The following TSPAN2 variants were observed in gnomAD, a reference collection of about 807,000 sequenced individuals.
TSPAN2 encodes the protein tetraspanin 2, also known as tetraspanin-2.
TSPAN2 carries 24 observed loss-of-function variants against 33.3 expected under a neutral mutation model. That is an observed-to-expected ratio of 0.72 (90% CI 0.52 to 1.01). The LOEUF (loss-of-function observed/expected upper bound fraction) is 1.01. Ranked by LOEUF, TSPAN2 falls within the 50% of genes least tolerant of loss-of-function variation. TSPAN2 has a pLI of 0.00. For synonymous variants in TSPAN2, 114 were observed against 104.5 expected, an observed-to-expected ratio of 1.09 and a Z score of -0.56; for missense variants, 278 against 281.3, an observed-to-expected ratio of 0.99 and a Z score of 0.08.
At chr1:115,087,938 T>C (rs917367661) in intron 1 of TSPAN2, among the ~76,000 whole-genome samples, 4 of 152,208 alleles carry the variant, frequency 2.6e-5, no homozygotes, top group Non-Finnish European at 5.9e-5. Flanking sequence ...TAAAACTTCA[T>C]AAGGCTTTGA....
At chr1:115,054,173 A>G (rs1420600185) in intron 6 of TSPAN2, among the ~76,000 whole-genome samples, 2 of 152,192 alleles carry the variant, frequency 1.3e-5, no homozygotes. Flanking sequence ...AAACACTCCT[A>G]TTTGGAGTGC....
chr1:115,071,026 T>C (rs548823883), intron 2 of TSPAN2, among the ~76,000 whole-genome samples: 79 of 152,230 alleles, frequency 5.2e-4, no homozygotes, highest in African/African-American at 1.9e-3. Context: ...CTGGAAACCA[T>C]GTGGGTAGAA....
intron 1 of TSPAN2, among the ~76,000 whole-genome samples, chr1:115,075,377 G>A (rs1190307558): frequency 6.6e-6 from 1 of 152,168 alleles, no homozygotes; most frequent in Non-Finnish European, 1.5e-5. Flanking sequence ...GCTGCTGCCG[G>A]CTGTGTCAGG....
At chr1:115,089,312 G>GCCCC in intron 1 of TSPAN2, 52 bp downstream of exon 1, 1 of 1,389,170 alleles carries the variant, frequency 7.2e-7, no homozygotes, top group Non-Finnish European at 9.8e-7. Flanking sequence ...CCGGCCCCGC[G>GCCCC]CCCGCCACCC....
At chr1:115,085,997 T>C (rs1220853855) in intron 1 of TSPAN2, among the ~76,000 whole-genome samples, 2 of 152,112 alleles carry the variant, frequency 1.3e-5, no homozygotes, top group Non-Finnish European at 2.9e-5. Flanking sequence ...CAAGTACAAA[T>C]TGACAAGATA....
At chr1:115,055,197 C>G (rs532908799) in intron 6 of TSPAN2, among the ~76,000 whole-genome samples, 1 of 152,154 alleles carries the variant, frequency 6.6e-6, no homozygotes, top group Non-Finnish European at 1.5e-5. Context: ...AGACTGTCCT[C>G]CTCTAGTTCT....
In TSPAN2 at chr1:115,062,123, C is replaced by G. The variant is rs369997060; in HGVS notation, c.270+12G>C. On this transcript the variant is annotated intron_variant, in intron 3 of 7. Coordinates refer to ENST00000369516, the MANE Select transcript of TSPAN2 (RefSeq NM_005725.6). ...ACCCCCACCCCACCATTTACCCCCT[C>G]GCCCCACTTACTGATCCAAGCACAC... 2 of 1,562,624 alleles carry G rather than the reference C, an allele frequency of 1.3e-6. No homozygotes were observed. Among genetic ancestry groups the G allele is most frequent in the African/African-American group, 2.7e-5 (2 of 73,962 alleles).
rs561840544 is a variant in TSPAN2, at chr1:115,087,403, C to G, written c.69+1961G>C. Among the ~76,000 whole-genome samples the G allele has an allele frequency of 4.0e-5, 6 of 151,658 alleles. No homozygotes were observed. In the South Asian group the frequency reaches 6.3e-4, roughly 16 times the overall value. On this transcript the variant is annotated intron_variant, in intron 1 of 7. Coordinates refer to ENST00000369516, the MANE Select transcript of TSPAN2 (RefSeq NM_005725.6). ...GGCTGAGGCAGGCAGATCATGAGGT[C>G]AGAAGATGGAGACCATCCTGGCTAA...
In TSPAN2 at chr1:115,050,255, C is replaced by G. The variant is rs565686592; in HGVS notation, c.*235G>C. The G allele has an allele frequency of 4.2e-4, 226 of 539,456 alleles. 2 individuals carry two copies. Among genetic ancestry groups the G allele is most frequent in the African/African-American group, 4.1e-3 (211 of 51,466 alleles). The allele number at this position is 539,456 out of a possible 1,614,324, so 33.4% of individuals were successfully genotyped here. On this transcript the variant is annotated 3_prime_UTR_variant, in exon 8 of 8. Transcript: ENST00000369516. ...CAAACAGATTTCATTACGTATAAAG[C>G]ATATTCCAGAAACACGCAGATCACA...
chr1:115,057,718 C>T, intron 5 of TSPAN2, 110 bp from the exon 6 acceptor site: 1 of 882,856 alleles, frequency 1.1e-6, no homozygotes, highest in Non-Finnish European at 1.9e-6. Flanking sequence ...GCTCCGAGGC[C>T]CAGTCACTGC....
intron 2 of TSPAN2, among the ~76,000 whole-genome samples, chr1:115,067,967 G>A (rs1429564280): frequency 6.6e-6 from 1 of 152,158 alleles, no homozygotes; most frequent in Non-Finnish European, 1.5e-5. Flanking sequence ...GAAGACACGG[G>A]GGCTTCTCCC....
At chr1:115,057,309 T>C (rs1647469144) in intron 6 of TSPAN2, among the ~76,000 whole-genome samples, 1 of 152,202 alleles carries the variant, frequency 6.6e-6, no homozygotes, top group African/African-American at 2.4e-5. Flanking sequence ...ACTCCTGTAG[T>C]TGTCACTTTC....
intron 6 of TSPAN2, among the ~76,000 whole-genome samples, chr1:115,055,929 T>C (rs965381837): frequency 3.9e-4 from 59 of 152,230 alleles, no homozygotes; most frequent in Non-Finnish European, 4.7e-4. Context: ...TAACATGTAA[T>C]GAGCATGATT....
intron 3 of TSPAN2, 45 bp from the exon 4 acceptor site, chr1:115,060,583 T>G (rs1257591856): frequency 2.0e-6 from 3 of 1,489,032 alleles, no homozygotes; most frequent in Non-Finnish European, 2.8e-6. Context: ...TAATACCTTT[T>G]CAATTTATAT....
At chr1:115,070,601 C>T (rs1235884811) in intron 2 of TSPAN2, among the ~76,000 whole-genome samples, 2 of 151,936 alleles carry the variant, frequency 1.3e-5, no homozygotes, top group Non-Finnish European at 2.9e-5. Context: ...CCCAACAGAG[C>T]CCCCAGCCCC....
intron 3 of TSPAN2, 104 bp from the exon 4 acceptor site, chr1:115,060,642 G>T (rs1356240044): frequency 6.1e-6 from 5 of 824,104 alleles, no homozygotes; most frequent in African/African-American, 3.5e-5. Context: ...CTTTCATGTG[G>T]TTCATTCATT....
At chr1:115,053,897 C>T (rs972937837) in intron 6 of TSPAN2, among the ~76,000 whole-genome samples, 2 of 152,214 alleles carry the variant, frequency 1.3e-5, no homozygotes, top group Non-Finnish European at 2.9e-5. Context: ...GCAAAGTAGG[C>T]ATGACCTATT....
rs543769858 is a variant in TSPAN2, at chr1:115,056,196, A to G, written c.516+1341T>C. 6.6e-5 allele frequency among the ~76,000 whole-genome samples: 10 copies of G among 152,250 alleles called. No individual in the cohort carries two copies. The East Asian group carries it at 1.9e-3, about 29-fold the overall frequency. On this transcript the variant is annotated intron_variant, in intron 6 of 7. Coordinates refer to ENST00000369516, the MANE Select transcript of TSPAN2 (RefSeq NM_005725.6). ...TAAACAACAGCATCTCTTCATTTTA[A>G]TTTGCTATTGATTTTAAATATTACT...
chr1:115,061,155 C>T (rs1355459428), intron 3 of TSPAN2, among the ~76,000 whole-genome samples: 3 of 152,138 alleles, frequency 2.0e-5, no homozygotes, highest in Admixed American at 6.5e-5. Flanking sequence ...GAATGAATGG[C>T]AAAGAAATAA....
Sources: allele counts gnomAD v4.1 joint callset (sites outside exome capture counted in the v4.1 genomes callset), GRCh38; gene constraint gnomAD v4.1.1; transcripts MANE v1.5; gene names NCBI Gene and HGNC (gene_info 2026-07-23, HGNC 2026-07-21).